The following FANCC variants were observed in gnomAD, a reference collection of about 807,000 sequenced individuals.
The protein encoded by FANCC is Fanconi anemia group C protein.
Under a neutral mutation model 71.3 loss-of-function variants are expected in FANCC, and 55 were observed. That is an observed-to-expected ratio of 0.77 (90% CI 0.62 to 0.97). FANCC has a LOEUF of 0.97. FANCC is among the 50% of genes least tolerant of loss of function. The pLI, the probability that FANCC is intolerant of heterozygous loss-of-function variation, is 0.00. For synonymous variants in FANCC, 275 were observed against 244.9 expected, an observed-to-expected ratio of 1.12 and a Z score of -1.15; for missense variants, 678 against 670.9, an observed-to-expected ratio of 1.01 and a Z score of -0.12.
intron 6 of FANCC, among the ~76,000 whole-genome samples, chr9:95,153,875 A>G (rs769490038): frequency 7.2e-5 from 11 of 152,178 alleles, no homozygotes; most frequent in Admixed American, 3.3e-4. Context: ...GATGTCCAGA[A>G]ATTACTTTCA....
At chr9:95,315,667 C>T (rs1167840380) in intron 1 of FANCC, among the ~76,000 whole-genome samples, 1 of 152,190 alleles carries the variant, frequency 6.6e-6, no homozygotes, top group Non-Finnish European at 1.5e-5. Context: ...TGCACATATC[C>T]CAGCCTAAAA....
At chr9:95,144,441 C>A (rs896483666) in intron 7 of FANCC, among the ~76,000 whole-genome samples, 2 of 152,174 alleles carry the variant, frequency 1.3e-5, no homozygotes, top group African/African-American at 4.8e-5. Context: ...GGAGTGTGGG[C>A]CTGCTTGGGG....
At chr9:95,258,750 GTC>G (rs759998622) in intron 1 of FANCC, among the ~76,000 whole-genome samples, 26 of 152,176 alleles carry the variant, frequency 1.7e-4, no homozygotes, top group African/African-American at 4.8e-5. Context: ...AAGTCAAATT[GTC>G]TCTGTTTACA....
At chr9:95,207,696 C>T (rs1018744464) in intron 4 of FANCC, among the ~76,000 whole-genome samples, 1 of 152,150 alleles carries the variant, frequency 6.6e-6, no homozygotes, top group African/African-American at 2.4e-5. Context: ...GTGTTACAAC[C>T]TCTCCACTAG....
chr9:95,148,476 G>C (rs1829858653), intron 7 of FANCC, among the ~76,000 whole-genome samples: 1 of 152,254 alleles, frequency 6.6e-6, no homozygotes, highest in South Asian at 2.1e-4. Flanking sequence ...ATGACTGACA[G>C]TGTTTGTAGC....
chr9:95,294,292 G>A, intron 1 of FANCC: 2 of 1,583,350 alleles, frequency 1.3e-6, no homozygotes, highest in Non-Finnish European at 1.7e-6. Flanking sequence ...GACTCAAACT[G>A]AAGAGAGTGA....
At chr9:95,216,628 G>A (rs1371458088) in intron 4 of FANCC, among the ~76,000 whole-genome samples, 2 of 152,192 alleles carry the variant, frequency 1.3e-5, no homozygotes, top group Admixed American at 1.3e-4. Flanking sequence ...TAAGAATAAT[G>A]TCTTCCTCCA....
intron 4 of FANCC, among the ~76,000 whole-genome samples, chr9:95,176,144 C>G (rs768285698): frequency 1.1e-4 from 17 of 152,218 alleles, no homozygotes; most frequent in Non-Finnish European, 2.4e-4. Context: ...GTTACTGAAT[C>G]TGGGTTAAAG....
chr9:95,288,133 TATTA>T (rs1833792488), intron 1 of FANCC, among the ~76,000 whole-genome samples: 1 of 152,240 alleles, frequency 6.6e-6, no homozygotes, highest in Non-Finnish European at 1.5e-5. Context: ...TTAATTTTAA[TATTA>T]ATAAGTGGAA....
rs745424828 is a variant in FANCC at position 95,240,720 on chromosome 9, A to G, written c.274T>C (p.Trp92Arg). The change falls in exon 4 of 15, where the codon TGG (tryptophan) becomes CGG (arginine). Residue 92 changes from tryptophan (W) to arginine (R), a missense_variant. By Grantham distance (101) the Trp-to-Arg change is moderately radical (BLOSUM62 -3). Coordinates refer to ENST00000289081, the MANE Select transcript of FANCC (RefSeq NM_000136.3). ...TTGTTAATTAGACAACATAAGCACC[A>G]TATTAGAATTTTTTGGCTTTCATCT... ...AYDESQKILI[W>R]CLCCLINKEP... 2.5e-6 allele frequency: 4 copies of G among 1,612,570 alleles called. No individual in the cohort carries two copies. Among genetic ancestry groups the G allele is most frequent in the East Asian group, 4.5e-5 (2 of 44,760 alleles).
intron 10 of FANCC, chr9:95,123,826 A>T: frequency 1.5e-6 from 1 of 672,352 alleles, no homozygotes; most frequent in Non-Finnish European, 2.8e-6. Flanking sequence ...TCCAATTTAG[A>T]CCTGCGGATG....
chr9:95,199,369 C>T (rs1033569981), intron 4 of FANCC, among the ~76,000 whole-genome samples: 113 of 152,118 alleles, frequency 7.4e-4, no homozygotes, highest in African/African-American at 2.6e-3. Context: ...CCTCCTTGGG[C>T]CCCTCCTACT....
chr9:95,263,997 G>C (rs979220346), intron 1 of FANCC, among the ~76,000 whole-genome samples: 23 of 152,138 alleles, frequency 1.5e-4, no homozygotes, highest in African/African-American at 5.6e-4. Flanking sequence ...ACTCAGAACG[G>C]TAACAGTCAC....
chr9:95,207,456 TTAAG>T (rs1229806806), intron 4 of FANCC, among the ~76,000 whole-genome samples: 3 of 152,096 alleles, frequency 2.0e-5, no homozygotes, highest in African/African-American at 7.2e-5. Context: ...TTTGCACAGG[TTAAG>T]CAAGGAATGA....
chr9:95,233,554 G>A (rs1295693068), intron 4 of FANCC, among the ~76,000 whole-genome samples: 1 of 152,234 alleles, frequency 6.6e-6, no homozygotes, highest in African/African-American at 2.4e-5. Context: ...GGTTTGGCAT[G>A]TCTGGAGCTA....
chr9:95,253,996 C>T (rs966086531), intron 1 of FANCC, among the ~76,000 whole-genome samples: 1 of 152,186 alleles, frequency 6.6e-6, no homozygotes, highest in African/African-American at 2.4e-5. Flanking sequence ...TGCTCACTGG[C>T]CTACTACTTA....
intron 13 of FANCC, chr9:95,111,232 A>G (rs1183085607): frequency 2.0e-6 from 3 of 1,537,382 alleles, no homozygotes; most frequent in Non-Finnish European, 2.6e-6. Context: ...TTCGTTTTGC[A>G]GGAGAATGGG....
At position 95,253,180 on chromosome 9, in the gene FANCC, C is replaced by T. The variant is rs925267519; in HGVS notation, c.-78-3811G>A. ...TGATCCTCAATATGCTGCTCCACAA[C>T]CTCTGGGGCTGGGAGGGGTGAAAAC... On this transcript the variant is annotated intron_variant, in intron 1 of 14. Transcript: ENST00000289081. Among the ~76,000 whole-genome samples, 4 of 152,318 alleles carry T rather than the reference C, an allele frequency of 2.6e-5. No individual in the cohort carries two copies. In the South Asian group the frequency reaches 6.2e-4, roughly 24 times the overall value.
chr9:95,239,699 T>C (rs2136043151), intron 4 of FANCC, among the ~76,000 whole-genome samples: 1 of 152,334 alleles, frequency 6.6e-6, no homozygotes, highest in East Asian at 1.9e-4. Flanking sequence ...TTCCTTCCAT[T>C]GCCCAATCCC....
Sources: allele counts gnomAD v4.1 joint callset (sites outside exome capture counted in the v4.1 genomes callset), GRCh38; gene constraint gnomAD v4.1.1; transcripts MANE v1.5; gene names NCBI Gene and HGNC (gene_info 2026-07-23, HGNC 2026-07-21).